The following TRPM7 variants were observed in gnomAD, a reference collection of about 807,000 sequenced individuals.
TRPM7 encodes LTRPC ion channel family member 7.
A neutral mutation model predicts 229.7 loss-of-function variants in TRPM7; 134 were observed. The observed-to-expected ratio is 0.58, with a 90% confidence interval of 0.51 to 0.67. TRPM7 has a LOEUF of 0.67. TRPM7 is among the 30% of genes least tolerant of loss of function. The probability of loss-of-function intolerance (pLI) is 0.00; values close to 1 mark genes in which losing one functional copy is unlikely to be tolerated. For synonymous variants in TRPM7, 699 were observed against 715.2 expected (o/e 0.98, Z 0.36); for missense variants, 1,901 against 2,210.0 (o/e 0.86, Z 2.80).
intron 4 of TRPM7, among the ~76,000 whole-genome samples, chr15:50,647,574 T>C (rs138269993): frequency 0.023 from 3,445 of 152,050 alleles, 122 homozygotes; most frequent in African/African-American, 0.078. Flanking sequence ...TGAAACCCTG[T>C]CTCTACTAAA....
intron 13 of TRPM7, among the ~76,000 whole-genome samples, chr15:50,618,613 A>AAACG: frequency 1.1e-5 from 1 of 93,218 alleles, no homozygotes; most frequent in Admixed American, 1.4e-4. Flanking sequence ...ATAAATAAAT[A>AAACG]AACGTATGTT....
chr15:50,682,405 C>G (rs1159142408), intron 1 of TRPM7, among the ~76,000 whole-genome samples: 1 of 151,636 alleles, frequency 6.6e-6, no homozygotes. Context: ...TGGTGAAACC[C>G]CATCTCTACT....
chr15:50,660,899 G>A (rs1030114782), intron 2 of TRPM7, among the ~76,000 whole-genome samples: 3 of 151,470 alleles, frequency 2.0e-5, no homozygotes, highest in Non-Finnish European at 4.4e-5. Context: ...GCTAAAAATC[G>A]AAAACAACTA....
chr15:50,655,013 AAAAAG>A (rs1480409673), intron 3 of TRPM7, among the ~76,000 whole-genome samples: 1 of 149,942 alleles, frequency 6.7e-6, no homozygotes, highest in African/African-American at 2.4e-5. Context: ...AAAAAAAAAA[AAAAAG>A]AAAAGAAAAT....
intron 3 of TRPM7, among the ~76,000 whole-genome samples, chr15:50,654,075 AAAATT>A (rs1388069967): frequency 1.3e-5 from 2 of 152,204 alleles, no homozygotes; most frequent in African/African-American, 4.8e-5. Flanking sequence ...GAATCTATCA[AAAATT>A]AATTTAATCA....
At chr15:50,674,015 GT>G (rs2062044873) in intron 1 of TRPM7, among the ~76,000 whole-genome samples, 1 of 152,114 alleles carries the variant, frequency 6.6e-6, no homozygotes, top group Admixed American at 6.6e-5. Context: ...TTGAGATGGA[GT>G]TTTACTCTGT....
chr15:50,647,237 T>C (rs1158155313), intron 4 of TRPM7, among the ~76,000 whole-genome samples: 2 of 152,132 alleles, frequency 1.3e-5, no homozygotes, highest in East Asian at 1.9e-4. Context: ...TTTAGGTGAT[T>C]ATCCTGCTTC....
chr15:50,580,806 C>T lies in TRPM7; in HGVS notation c.4592+68G>A, dbSNP rs376382447. Reference sequence around the variant, plus strand: ...AATGTTAAAGAGATGATGTAAAGAGCAGGAAAAAAGACAACATTCAATAAC... The same window carrying T: ...AATGTTAAAGAGATGATGTAAAGAGTAGGAAAAAAGACAACATTCAATAAC... On this transcript the variant is annotated intron_variant, in intron 30 of 38. Transcript: ENST00000646667. 7.2e-5 allele frequency: 102 copies of T among 1,416,410 alleles called. No homozygotes were observed. In the African/African-American group the frequency reaches 1.4e-3, roughly 20 times the overall value. The allele number at this position is 1,416,410 out of a possible 1,614,324, so 87.7% of individuals were successfully genotyped here.
chr15:50,681,282 CACACACACACAA>C (rs1758985254), intron 1 of TRPM7, among the ~76,000 whole-genome samples: 1 of 151,748 alleles, frequency 6.6e-6, no homozygotes, highest in Admixed American at 6.6e-5. Context: ...CACACACACA[CACACACACACAA>C]AGCATTCAGA....
chr15:50,646,714 C>T (rs1256283676), intron 4 of TRPM7, among the ~76,000 whole-genome samples: 1 of 152,168 alleles, frequency 6.6e-6, no homozygotes, highest in East Asian at 1.9e-4. Flanking sequence ...AAGGTTCCTG[C>T]ATTGTTGAAA....
At chr15:50,602,770 T>C in intron 21 of TRPM7, among the ~76,000 whole-genome samples, 1 of 152,100 alleles carries the variant, frequency 6.6e-6, no homozygotes, top group Admixed American at 6.6e-5. Flanking sequence ...CAGTAACCAT[T>C]ATGAAACTTC....
chr15:50,683,050 TG>T (rs2062276486), intron 1 of TRPM7, among the ~76,000 whole-genome samples: 1 of 151,982 alleles, frequency 6.6e-6, no homozygotes, highest in Non-Finnish European at 1.5e-5. Flanking sequence ...GCCCAGCTAA[TG>T]TTTTTTTATT....
At position 50,559,574 on chromosome 15, in the gene TRPM7, C is replaced by T. The variant is rs2053233996; in HGVS notation, c.*2104G>A. 6.6e-6 allele frequency: 1 copy of T among 152,002 alleles called. No homozygotes were observed. The highest frequency in any genetic ancestry group is 2.4e-5 in the African/African-American group (1 of 41,378). The allele number at this position is 152,002 out of a possible 1,614,324, so 9.4% of individuals were successfully genotyped here. A position where few individuals can be genotyped will look rare whatever the true frequency, so the allele number is the denominator to read the frequency against. ...AAGGCAGCCAGCCTGGGTTCAAATCCTACCGTTGCTACTTATTATTAAATA... is the reference window on the plus strand; with the variant it reads ...AAGGCAGCCAGCCTGGGTTCAAATCTTACCGTTGCTACTTATTATTAAATA... On this transcript the variant is annotated 3_prime_UTR_variant, in exon 39 of 39. Coordinates refer to ENST00000646667, the MANE Select transcript of TRPM7 (RefSeq NM_017672.6).
chr15:50,582,896 A>T (rs1189495596), intron 29 of TRPM7, 193 bp downstream of exon 29: 1 of 358,852 alleles, frequency 2.8e-6, no homozygotes, highest in Non-Finnish European at 5.1e-6. Flanking sequence ...TTCTGCATAA[A>T]TTTTTCTTTA....
At chr15:50,656,022 C>T (rs8036320) in intron 3 of TRPM7, among the ~76,000 whole-genome samples, 1 of 150,208 alleles carries the variant, frequency 6.7e-6, no homozygotes, top group African/African-American at 2.4e-5. Context: ...AAAAAAAAAA[C>T]CCCTGCTGCA....
intron 1 of TRPM7, among the ~76,000 whole-genome samples, chr15:50,675,071 G>A (rs999815078): frequency 3.3e-5 from 5 of 152,150 alleles, no homozygotes; most frequent in East Asian, 1.9e-4. Context: ...GGCTGGGCAC[G>A]GTGGCTCATG....
chr15:50,645,218 T>C (rs2061228191), intron 4 of TRPM7, among the ~76,000 whole-genome samples: 1 of 151,794 alleles, frequency 6.6e-6, no homozygotes, highest in Non-Finnish European at 1.5e-5. Context: ...TTTTTTGTAT[T>C]TTTGGTAGAC....
In TRPM7 at chr15:50,592,437, T is replaced by G; in HGVS notation, c.3798A>C (p.Arg1266=). The G allele has an allele frequency of 1.2e-6, 2 of 1,614,210 alleles. No individual in the cohort carries two copies. The highest frequency in any genetic ancestry group is 1.7e-6 in the Non-Finnish European group (2 of 1,180,040). The change falls in exon 26 of 39, where the codon CGA becomes CGC. Residue 1266 remains arginine, a synonymous_variant. Coordinates refer to ENST00000646667, the MANE Select transcript of TRPM7 (RefSeq NM_017672.6). ...EASKVHNEIT[R]ELSISKHLAQ... is the part of the protein sequence containing the mutation. ...CCAAGTGTTTGGAAATGCTCAGTTC[T>G]CGTGTGATTTCATTATGAACTTTGC...
Position 50,560,833 on chromosome 15 carries a change from G to A in TRPM7, c.*845C>T, listed in dbSNP as rs1056042224. The A allele has an allele frequency of 1.3e-5, 2 of 152,552 alleles. No homozygotes were observed. Among genetic ancestry groups the A allele is most frequent in the Non-Finnish European group, 2.9e-5 (2 of 68,014 alleles). 9.4% of individuals were successfully genotyped at this position (152,552 alleles called of 1,614,324 possible). ...CTTTGGAGAAGTTTGTAAGTTCTGG[G>A]TTGTTGCTATAGATACAGATAGGGA... On this transcript the variant is annotated 3_prime_UTR_variant, in exon 39 of 39. Coordinates refer to ENST00000646667, the MANE Select transcript of TRPM7 (RefSeq NM_017672.6).
Sources: allele counts gnomAD v4.1 joint callset (sites outside exome capture counted in the v4.1 genomes callset), GRCh38; gene constraint gnomAD v4.1.1; transcripts MANE v1.5; gene names NCBI Gene and HGNC (gene_info 2026-07-23, HGNC 2026-07-21).